KRTAP21-1: variants seen among roughly 807,000 people sequenced by gnomAD.
KRTAP21-1 encodes the protein keratin associated protein 21-1.
For missense variants in KRTAP21-1, 75 were observed against 96.3 expected (o/e 0.78, Z 0.92); for synonymous variants, 29 against 39.7 (o/e 0.73, Z 1.01).
chr21:30,755,280 G>GCCAGTT lies in KRTAP21-1; in HGVS notation c.93_98dup (p.Thr32_Gly33dup), dbSNP rs750523309. 6.2e-7 allele frequency: 1 copy of GCCAGTT among 1,613,684 alleles called. No individual in the cohort carries two copies. The highest frequency in any genetic ancestry group is 1.3e-5 in the African/African-American group (1 of 74,864). ...ACCCACAGCCATACCCACAGCCATA[G>GCCAGTT]CCAGTTCCATAGCCACAGCCACAGC... On this transcript the variant is annotated inframe_insertion, in exon 1 of 1. Coordinates refer to ENST00000335093, the MANE Select transcript of KRTAP21-1 (RefSeq NM_181619.2).
At position 30,755,274 on chromosome 21, in the gene KRTAP21-1, GCCATAGCCAGTT is replaced by G; in HGVS notation, c.93_104del (p.Thr32_Gly35del). On this transcript the variant is annotated inframe_deletion, in exon 1 of 1. Coordinates refer to ENST00000335093, the MANE Select transcript of KRTAP21-1 (RefSeq NM_181619.2). The stretch of plus-strand genomic sequence containing the variant: ...AGCCAAACCCACAGCCATACCCACA[GCCATAGCCAGTT>G]CCATAGCCACAGCCACAGCCAGAGC... 3 of 1,613,374 alleles carry G rather than the reference GCCATAGCCAGTT, an allele frequency of 1.9e-6. No individual in the cohort carries two copies. The highest frequency in any genetic ancestry group is 1.6e-4 in the Middle Eastern group (1 of 6,062).
Position 30,755,114 on chromosome 21 carries a change from C to G in KRTAP21-1, c.*25G>C, listed in dbSNP as rs970558922. 1 of 1,613,542 alleles carries G rather than the reference C, an allele frequency of 6.2e-7. No homozygotes were observed. ...ATCTTCAGACGTGTCATTTTAGAAG[C>G]AAATGGTCCTCCGACAGTGATGTTT... On this transcript the variant is annotated 3_prime_UTR_variant, in exon 1 of 1. Coordinates refer to ENST00000335093, the MANE Select transcript of KRTAP21-1 (RefSeq NM_181619.2).
At position 30,755,309 on chromosome 21, in the gene KRTAP21-1, A is replaced by G. The variant is rs1400897744; in HGVS notation, c.70T>C (p.Ser24Pro). 6.2e-7 allele frequency: 1 copy of G among 1,613,502 alleles called. No individual in the cohort carries two copies. Among genetic ancestry groups the G allele is most frequent in the Non-Finnish European group, 8.5e-7 (1 of 1,179,912 alleles). ...GTTCCATAGCCACAGCCACAGCCAG[A>G]GCCAGAGCCATAGCCACAGCCACAG... is the stretch of plus-strand genomic sequence containing the variant. ...SGCGCGYGSG[S>P]GCGCGYGTGY... Residue 24 changes from serine (S) to proline (P), a missense_variant, in exon 1 of 1, where the codon TCT (serine) becomes CCT (proline). Coordinates refer to ENST00000335093, the MANE Select transcript of KRTAP21-1 (RefSeq NM_181619.2).
Position 30,755,317 on chromosome 21 carries a change from C to T in KRTAP21-1, c.62G>A (p.Gly21Asp), listed in dbSNP as rs371845697. The T allele has an allele frequency of 1.9e-6, 3 of 1,613,916 alleles. No individual in the cohort carries two copies. The highest frequency in any genetic ancestry group is 2.5e-6 in the Non-Finnish European group (3 of 1,179,936). The change falls in exon 1 of 1, where the codon GGC becomes GAC. Residue 21 changes from glycine (G) to aspartate (D), a missense_variant. Coordinates refer to ENST00000335093, the MANE Select transcript of KRTAP21-1 (RefSeq NM_181619.2). ...GCCACAGCCACAGCCAGAGCCAGAG[C>T]CATAGCCACAGCCACAGCCGGAGCC... ...GYGSGCGCGYGSGSGCGCGYG... is the reference protein window; with the variant it reads ...GYGSGCGCGYDSGSGCGCGYG...
In KRTAP21-1 at chr21:30,755,314, G is replaced by T. The variant is rs771995215; in HGVS notation, c.65C>A (p.Ser22Tyr). Residue 22 changes from serine to tyrosine, a missense_variant, in exon 1 of 1, where the codon TCT (serine) becomes TAT (tyrosine). Coordinates refer to ENST00000335093, the MANE Select transcript of KRTAP21-1 (RefSeq NM_181619.2). Reference protein sequence around the residue: ...YGSGCGCGYGSGSGCGCGYGT... With the variant: ...YGSGCGCGYGYGSGCGCGYGT... Reference sequence around the variant, plus strand: ...ATAGCCACAGCCACAGCCAGAGCCAGAGCCATAGCCACAGCCACAGCCGGA... The same window carrying T: ...ATAGCCACAGCCACAGCCAGAGCCATAGCCATAGCCACAGCCACAGCCGGA... 1 of 1,613,256 alleles carries T rather than the reference G, an allele frequency of 6.2e-7. No homozygotes were observed. The highest frequency in any genetic ancestry group is 1.1e-5 in the South Asian group (1 of 90,650).
chr21:30,755,218 T>C lies in KRTAP21-1; in HGVS notation c.161A>G (p.Tyr54Cys), dbSNP rs763491543. 18 of 1,613,322 alleles carry C rather than the reference T, an allele frequency of 1.1e-5. No individual in the cohort carries two copies. Among genetic ancestry groups the C allele is most frequent in the Non-Finnish European group, 1.4e-5 (17 of 1,179,782 alleles). The stretch of plus-strand genomic sequence containing the variant: ...AGAGCCAGAGCCATATCCACAGCCA[T>C]AGCCAGTTCCATAACCACAGCCATA... ...SHYGCGYGTGYGCGYGSGSGY... is the reference protein window; with the variant it reads ...SHYGCGYGTGCGCGYGSGSGY... The change falls in exon 1 of 1, where the codon TAT becomes TGT. Residue 54 changes from tyrosine (Y) to cysteine (C), a missense_variant. Coordinates refer to ENST00000335093, the MANE Select transcript of KRTAP21-1 (RefSeq NM_181619.2).
At position 30,755,268 on chromosome 21, in the gene KRTAP21-1, C is replaced by A. The variant is rs563226863; in HGVS notation, c.111G>T (p.Gly37=). The part of the protein sequence containing the change: ...GCGYGTGYGC[G]YGCGFGSHYG... ...AATGGGAGCCAAACCCACAGCCATACCCACAGCCATAGCCAGTTCCATAGC... is the reference window on the plus strand; with the variant it reads ...AATGGGAGCCAAACCCACAGCCATAACCACAGCCATAGCCAGTTCCATAGC... The change falls in exon 1 of 1, where the codon GGG becomes GGT. Residue 37 remains glycine (G), a synonymous_variant. Transcript: ENST00000335093. The A allele has an allele frequency of 1.2e-6, 2 of 1,610,492 alleles. No individual in the cohort carries two copies. Among genetic ancestry groups the A allele is most frequent in the East Asian group, 2.2e-5 (1 of 44,850 alleles).
chr21:30,755,016 A>C lies in KRTAP21-1; in HGVS notation c.*123T>G. ...TTCATTCAAAGAAATGTGAGGCTAG[A>C]GGTCGAAGATTCTGTCAAGCATGTA... On this transcript the variant is annotated 3_prime_UTR_variant, in exon 1 of 1. Transcript: ENST00000335093. The C allele has an allele frequency of 1.3e-6, 2 of 1,510,144 alleles. No individual in the cohort carries two copies. The highest frequency in any genetic ancestry group is 4.7e-5 in the East Asian group (2 of 42,168). 93.5% of individuals were successfully genotyped at this position (1,510,144 alleles called of 1,614,324 possible). A position where few individuals can be genotyped will look rare whatever the true frequency, so the allele number is the denominator to read the frequency against.
Position 30,755,162 on chromosome 21 carries a change from T to C in KRTAP21-1, c.217A>G (p.Arg73Gly). Residue 73 changes from arginine (R) to glycine (G), a missense_variant, in exon 1 of 1, where the codon AGA becomes GGA. Transcript: ENST00000335093. ...GYCGYRPFCF[R>G]RCYSSC ...TTTTAGCAGGAAGAATAGCATCTTC[T>C]AAAGCAAAATGGCCGGTAGCCACAG... 1 of 1,614,154 alleles carries C rather than the reference T, an allele frequency of 6.2e-7. No homozygotes were observed. Among genetic ancestry groups the C allele is most frequent in the Non-Finnish European group, 8.5e-7 (1 of 1,180,012 alleles).
chr21:30,755,091 C>CTTCAGACGTG lies in KRTAP21-1; in HGVS notation c.*38_*47dup. 6.2e-7 allele frequency: 1 copy of CTTCAGACGTG among 1,611,488 alleles called. No individual in the cohort carries two copies. On this transcript the variant is annotated 3_prime_UTR_variant, in exon 1 of 1. Transcript: ENST00000335093. The stretch of plus-strand genomic sequence containing the variant: ...GTACGAATCCTTGAATCAGCATTAT[C>CTTCAGACGTG]TTCAGACGTGTCATTTTAGAAGCAA...
chr21:30,755,089 A>G lies in KRTAP21-1; in HGVS notation c.*50T>C, dbSNP rs770386158. 6.2e-7 allele frequency: 1 copy of G among 1,611,256 alleles called. No individual in the cohort carries two copies. Among genetic ancestry groups the G allele is most frequent in the East Asian group, 2.2e-5 (1 of 44,876 alleles). On this transcript the variant is annotated 3_prime_UTR_variant, in exon 1 of 1. Transcript: ENST00000335093. Reference sequence around the variant, plus strand: ...GAGTACGAATCCTTGAATCAGCATTATCTTCAGACGTGTCATTTTAGAAGC... The same window carrying G: ...GAGTACGAATCCTTGAATCAGCATTGTCTTCAGACGTGTCATTTTAGAAGC...
At position 30,755,323 on chromosome 21, in the gene KRTAP21-1, C is replaced by G. The variant is rs55641360; in HGVS notation, c.56G>C (p.Gly19Ala). The stretch of plus-strand genomic sequence containing the variant: ...GCCACAGCCAGAGCCAGAGCCATAG[C>G]CACAGCCACAGCCGGAGCCATAGCC... ...SCGYGSGCGC[G>A]YGSGSGCGCG... Residue 19 changes from glycine (G) to alanine (A), a missense_variant, in exon 1 of 1, where the codon GGC (glycine) becomes GCC (alanine). Coordinates refer to ENST00000335093, the MANE Select transcript of KRTAP21-1 (RefSeq NM_181619.2). The G allele has an allele frequency of 6.2e-7, 1 of 1,613,694 alleles. No individual in the cohort carries two copies. The highest frequency in any genetic ancestry group is 1.1e-5 in the South Asian group (1 of 90,870).
chr21:30,755,278 T>C lies in KRTAP21-1; in HGVS notation c.101A>G (p.Tyr34Cys), dbSNP rs150847417. ...SGCGCGYGTG[Y>C]GCGYGCGFGS... ...AAACCCACAGCCATACCCACAGCCA[T>C]AGCCAGTTCCATAGCCACAGCCACA... The change falls in exon 1 of 1, where the codon TAT (tyrosine) becomes TGT (cysteine). Residue 34 changes from tyrosine (Y) to cysteine (C), a missense_variant. Physicochemically the swap from Tyr to Cys is radical, Grantham distance 194. Transcript: ENST00000335093. The C allele has an allele frequency of 7.5e-5, 121 of 1,613,248 alleles. No individual in the cohort carries two copies. The African/African-American group carries it at 1.5e-3, about 20-fold the overall frequency.
Sources: gnomAD v4.1 joint callset for allele counts on GRCh38, gnomAD v4.1.1 for gene constraint, MANE v1.5 for transcripts, NCBI Gene and HGNC (gene_info 2026-07-23, HGNC 2026-07-21) for gene names.